The following SGK1 variants were observed in gnomAD, a reference collection of about 807,000 sequenced individuals.
The protein encoded by SGK1 is serum/glucocorticoid regulated kinase 1, also known as serine/threonine-protein kinase Sgk1.
In SGK1, 26 loss-of-function variants were observed where a neutral mutation model predicts 64.2. That is an observed-to-expected ratio of 0.40 (90% confidence interval 0.30 to 0.56). SGK1 has a LOEUF of 0.56. Among genes scored for constraint, SGK1 ranks in the 20% least tolerant of loss-of-function variants. The pLI, the probability that SGK1 is intolerant of heterozygous loss-of-function variation, is 0.38. For missense variants in SGK1, 519 were observed against 645.6 expected, an observed-to-expected ratio of 0.80 and a Z score of 2.12; for synonymous variants, 265 against 239.7, an observed-to-expected ratio of 1.11 and a Z score of -0.98.
chr6:134,201,311 C>T (rs112051841), intron 3 of SGK1, among the ~76,000 whole-genome samples: 2,168 of 152,094 alleles, frequency 0.014, 42 homozygotes, highest in African/African-American at 0.048. Flanking sequence ...CCGCCCGTCT[C>T]GGCCTCCCAA....
At chr6:134,267,691 G>C (rs541847071) in intron 1 of SGK1, among the ~76,000 whole-genome samples, 1 of 152,248 alleles carries the variant, frequency 6.6e-6, no homozygotes, top group South Asian at 2.1e-4. Context: ...GGATCATTGC[G>C]GGTGGAGGGC....
At chr6:134,313,105 A>G (rs1777630168) in intron 1 of SGK1, among the ~76,000 whole-genome samples, 1 of 152,224 alleles carries the variant, frequency 6.6e-6, no homozygotes. Context: ...TAATGTACTT[A>G]AAGCTCTTAG....
chr6:134,200,746 T>C (rs1219734173), intron 3 of SGK1, among the ~76,000 whole-genome samples: 1 of 151,952 alleles, frequency 6.6e-6, no homozygotes, highest in Non-Finnish European at 1.5e-5. Flanking sequence ...TCTACAAGAA[T>C]ACAAGAAATT....
At chr6:134,252,026 C>T (rs1045340057) in intron 2 of SGK1, among the ~76,000 whole-genome samples, 1 of 152,074 alleles carries the variant, frequency 6.6e-6, no homozygotes, top group Admixed American at 6.6e-5. Flanking sequence ...CAAAGTGTTG[C>T]GATAACAGGC....
chr6:134,250,140 A>G (rs955692324), intron 2 of SGK1, among the ~76,000 whole-genome samples: 3 of 152,230 alleles, frequency 2.0e-5, no homozygotes, highest in African/African-American at 4.8e-5. Context: ...TCACTAGAGT[A>G]AAAGAGAAAA....
At position 134,285,906 on chromosome 6, in the gene SGK1, G is replaced by T. The variant is rs369207303; in HGVS notation, c.70-23758C>A. ...GACTGGTATTGGCTGAGAGGACGGA[G>T]TTGCTGAAGAGTTTGCCTTCCAAGG... is the stretch of plus-strand genomic sequence containing the variant. On this transcript the variant is annotated intron_variant, in intron 1 of 13. Transcript: ENST00000367858. Among the ~76,000 whole-genome samples, 93 of 152,292 alleles carry T rather than the reference G, an allele frequency of 6.1e-4. 1 individual carries two copies. The South Asian group carries it at 0.018, about 30-fold the overall frequency.
rs574640470 is a variant in SGK1 at position 134,190,923 on chromosome 6, G to T, written c.362-16337C>A. ...TGCCTTGTTAGAACATGATACTACT[G>T]AATCTGAGTGCTTATCTTCCTCATA... On this transcript the variant is annotated intron_variant, in intron 3 of 13. Coordinates refer to ENST00000367858, the MANE Select transcript of SGK1 (RefSeq NM_001143676.3). Among the ~76,000 whole-genome samples, 7 of 152,292 alleles carry T rather than the reference G, an allele frequency of 4.6e-5. No individual in the cohort carries two copies. The East Asian group carries it at 1.4e-3, about 29-fold the overall frequency.
chr6:134,309,925 C>T (rs1318798767), intron 1 of SGK1, among the ~76,000 whole-genome samples: 1 of 152,118 alleles, frequency 6.6e-6, no homozygotes, highest in Non-Finnish European at 1.5e-5. Context: ...TAAAAATATG[C>T]TTCTACAATA....
At position 134,317,603 on chromosome 6, in the gene SGK1, T is replaced by G. The variant is rs541577522; in HGVS notation, c.-143A>C. 18 of 688,690 alleles carry G rather than the reference T, an allele frequency of 2.6e-5. No homozygotes were observed. The East Asian group carries it at 4.5e-4, about 17-fold the overall frequency. The allele number at this position is 688,690 out of a possible 1,614,324, so 42.7% of individuals were successfully genotyped here. The stretch of plus-strand genomic sequence containing the variant: ...AATCTAGCGGGGCTCAGTTCTTCAC[T>G]CGCGCATTCTGCAGCACCAGCTACT... On this transcript the variant is annotated 5_prime_UTR_variant, in exon 1 of 14. Coordinates refer to ENST00000367858, the MANE Select transcript of SGK1 (RefSeq NM_001143676.3).
chr6:134,277,568 A>G (rs1777035991), intron 1 of SGK1, among the ~76,000 whole-genome samples: 1 of 151,946 alleles, frequency 6.6e-6, no homozygotes, highest in African/African-American at 2.4e-5. Flanking sequence ...CAATGGGAGG[A>G]GGTATCACTA....
chr6:134,216,189 C>T (rs1159808881), intron 2 of SGK1, among the ~76,000 whole-genome samples: 2 of 151,950 alleles, frequency 1.3e-5, no homozygotes, highest in Non-Finnish European at 2.9e-5. Flanking sequence ...GTCTCTGATT[C>T]CTTTTTGGTT....
At chr6:134,236,581 C>T (rs1335151500) in intron 2 of SGK1, among the ~76,000 whole-genome samples, 2 of 152,182 alleles carry the variant, frequency 1.3e-5, no homozygotes, top group Non-Finnish European at 2.9e-5. Flanking sequence ...GAACAACAAT[C>T]TCCCCACTGC....
chr6:134,175,991 C>A, intron 3 of SGK1: 1 of 1,079,816 alleles, frequency 9.3e-7, no homozygotes, highest in Non-Finnish European at 1.1e-6. Flanking sequence ...GTACAATCTG[C>A]ATTTCACTTT....
chr6:134,270,113 G>T (rs1416267639), intron 1 of SGK1, among the ~76,000 whole-genome samples: 1 of 147,732 alleles, frequency 6.8e-6, no homozygotes, highest in Non-Finnish European at 1.5e-5. Flanking sequence ...TAGAGACAGG[G>T]TTTCTCCATG....
chr6:134,261,862 G>T, intron 2 of SGK1, 71 bp downstream of exon 2: 2 of 1,105,114 alleles, frequency 1.8e-6, no homozygotes, highest in Non-Finnish European at 2.8e-6. Context: ...GTATACTCTG[G>T]CAGAAATACA....
intron 2 of SGK1, among the ~76,000 whole-genome samples, chr6:134,208,586 C>A (rs779267410): frequency 2.4e-4 from 37 of 152,014 alleles, no homozygotes; most frequent in Non-Finnish European, 5.0e-4. Context: ...TATGCCTTTG[C>A]GTCCTCATGG....
chr6:134,172,240 T>C lies in SGK1; in HGVS notation c.1024A>G (p.Asn342Asp), dbSNP rs1775053245. The C allele has an allele frequency of 6.2e-7, 1 of 1,614,184 alleles. No individual in the cohort carries two copies. Among genetic ancestry groups the C allele is most frequent in the Non-Finnish European group, 8.5e-7 (1 of 1,180,032 alleles). The change falls in exon 10 of 14, where the codon AAC becomes GAC. Residue 342 changes from asparagine to aspartate, a missense_variant. Coordinates refer to ENST00000367858, the MANE Select transcript of SGK1 (RefSeq NM_001143676.3). ...GATGTTGTGCTGTTGTGTTCAATGT[T>C]CTCCTTGCAGAGTCCGAAGTCAGTA... Reference protein sequence around the residue: ...VLTDFGLCKENIEHNSTTSTF... With the variant: ...VLTDFGLCKEDIEHNSTTSTF...
chr6:134,187,083 T>G (rs1201282613), intron 3 of SGK1, among the ~76,000 whole-genome samples: 1 of 152,176 alleles, frequency 6.6e-6, no homozygotes, highest in Non-Finnish European at 1.5e-5. Context: ...CCCAAAGTTC[T>G]GGGATTTCAG....
At chr6:134,204,402 T>C (rs1775734766) in intron 3 of SGK1, among the ~76,000 whole-genome samples, 1 of 150,178 alleles carries the variant, frequency 6.7e-6, no homozygotes, top group African/African-American at 2.5e-5. Context: ...AATAAAAACG[T>C]TTTAAAAATG....
Sources: allele counts gnomAD v4.1 joint callset (sites outside exome capture counted in the v4.1 genomes callset), GRCh38; gene constraint gnomAD v4.1.1; transcripts MANE v1.5; gene names NCBI Gene and HGNC (gene_info 2026-07-23, HGNC 2026-07-21).